Variants in KCNQ1 observed in about 807,000 individuals in gnomAD.
KCNQ1 encodes potassium voltage-gated channel subfamily Q member 1.
A neutral mutation model predicts 72.4 loss-of-function variants in KCNQ1; 49 were observed. The observed-to-expected ratio is 0.68, with a 90% CI of 0.54 to 0.86. KCNQ1 has a LOEUF of 0.86. KCNQ1 is among the 40% of genes least tolerant of loss of function. KCNQ1 has a pLI of 0.00. For missense variants in KCNQ1, 790 were observed against 945.1 expected (o/e 0.84, Z 2.15); for synonymous variants, 450 against 412.6 (o/e 1.09, Z -1.10).
At position 2,547,349 on chromosome 11, in the gene KCNQ1, G is replaced by C. The variant is rs1169696591; in HGVS notation, c.477+19331G>C. On this transcript the variant is annotated intron_variant, in intron 2 of 15. Transcript: ENST00000155840. This position sits in a 1 kb window ranked among gnomAD's most constrained non-coding sequence, Gnocchi z 4.2. ...GGGTTTAAGTGATTTTCGTGCCTCA[G>C]CCTCCCAAGTAGCTGGGATTATAGG... Among the ~76,000 whole-genome samples the C allele has an allele frequency of 6.6e-6, 1 of 152,148 alleles. No individual in the cohort carries two copies. Among genetic ancestry groups the C allele is most frequent in the Admixed American group, 6.5e-5 (1 of 15,270 alleles).
At chr11:2,578,498 G>A (rs1039220407) in intron 6 of KCNQ1, among the ~76,000 whole-genome samples, 7 of 152,356 alleles carry the variant, frequency 4.6e-5, no homozygotes, top group South Asian at 2.1e-4. Context: ...CACTGAGGCC[G>A]AGGGCCCAGC....
chr11:2,728,651 C>T (rs956778512), intron 11 of KCNQ1, among the ~76,000 whole-genome samples: 4 of 152,208 alleles, frequency 2.6e-5, no homozygotes, highest in Admixed American at 6.5e-5. Context: ...GCCTACAGGA[C>T]GGAGGCTCAG....
chr11:2,667,420 A>G (rs1850097356), intron 11 of KCNQ1: 1 of 398,570 alleles, frequency 2.5e-6, no homozygotes, highest in Non-Finnish European at 4.4e-6. Context: ...TCCACTTGTG[A>G]ACTCCCAGCC....
At chr11:2,730,852 G>A (rs1430075816) in intron 11 of KCNQ1, among the ~76,000 whole-genome samples, 3 of 152,204 alleles carry the variant, frequency 2.0e-5, no homozygotes, top group Non-Finnish European at 4.4e-5. Context: ...CGTTTTGGTG[G>A]CAGGCCTCTG....
chr11:2,560,047 T>A (rs1458683014), intron 2 of KCNQ1, among the ~76,000 whole-genome samples: 1 of 138,846 alleles, frequency 7.2e-6, no homozygotes, highest in East Asian at 2.2e-4. Flanking sequence ...GGGGAGGGGG[T>A]ACCGCCAGCC....
rs1848235647 is a variant in KCNQ1 at position 2,565,571 on chromosome 11, T to A, written c.478-5057T>A. 1.3e-5 allele frequency among the ~76,000 whole-genome samples: 2 copies of A among 152,172 alleles called. No homozygotes were observed. Among genetic ancestry groups the A allele is most frequent in the Admixed American group, 1.3e-4 (2 of 15,284 alleles). On this transcript the variant is annotated intron_variant, in intron 2 of 15. Coordinates refer to ENST00000155840, the MANE Select transcript of KCNQ1 (RefSeq NM_000218.3). This position sits in a 1 kb window ranked among gnomAD's most constrained non-coding sequence, Gnocchi z 5.6. ...CAGGATGGACATGGATTCACACTCA[T>A]GGTAGAACAGAGCTGAGGGTGCAGT... is the stretch of plus-strand genomic sequence containing the variant.
rs1846293050 is a variant in KCNQ1, at chr11:2,462,478, A to G, written c.386+16994A>G. 1.3e-5 allele frequency among the ~76,000 whole-genome samples: 2 copies of G among 152,154 alleles called. No individual in the cohort carries two copies. Among genetic ancestry groups the G allele is most frequent in the Admixed American group, 1.3e-4 (2 of 15,282 alleles). On this transcript the variant is annotated intron_variant, in intron 1 of 15. Coordinates refer to ENST00000155840, the MANE Select transcript of KCNQ1 (RefSeq NM_000218.3). This position sits in a 1 kb window ranked among gnomAD's most constrained non-coding sequence, Gnocchi z 8.2. ...CCTGGCATGACGGGAACCACCTGTGACATTGCCACCACCTCGCTGTAATCT... is the reference window on the plus strand; with the variant it reads ...CCTGGCATGACGGGAACCACCTGTGGCATTGCCACCACCTCGCTGTAATCT...
At chr11:2,754,347 C>G (rs150666463) in intron 11 of KCNQ1, among the ~76,000 whole-genome samples, 28 of 152,352 alleles carry the variant, frequency 1.8e-4, no homozygotes, top group Non-Finnish European at 3.2e-4. Context: ...ACCTGCAGCC[C>G]AGGCATCCTC....
intron 11 of KCNQ1, among the ~76,000 whole-genome samples, chr11:2,708,259 ACT>A (rs1160026517): frequency 1.3e-5 from 2 of 150,190 alleles, no homozygotes; most frequent in Non-Finnish European, 3.0e-5. Context: ...TGACTTTGAC[ACT>A]CTTCTCAACA....
At chr11:2,820,928 C>T (rs1847720297) in intron 15 of KCNQ1, among the ~76,000 whole-genome samples, 1 of 152,272 alleles carries the variant, frequency 6.6e-6, no homozygotes, top group Non-Finnish European at 1.5e-5. Flanking sequence ...CACCCCACCT[C>T]CATTGCTGCT....
Position 2,541,875 on chromosome 11 carries a change from T to C in KCNQ1, c.477+13857T>C, listed in dbSNP as rs1470839224. ...CCAGGTCCTGTGGCTGGTCCTCGCA[T>C]AGACATCAGCTAAGGGGGTTTGGGG... On this transcript the variant is annotated intron_variant, in intron 2 of 15. Transcript: ENST00000155840. This position sits in a 1 kb window ranked among gnomAD's most constrained non-coding sequence, Gnocchi z 4.8. Among the ~76,000 whole-genome samples, 3 of 152,166 alleles carry C rather than the reference T, an allele frequency of 2.0e-5. No individual in the cohort carries two copies. The highest frequency in any genetic ancestry group is 7.2e-5 in the African/African-American group (3 of 41,446).
intron 10 of KCNQ1, chr11:2,622,758 T>C (rs1849196302): frequency 2.5e-6 from 1 of 398,496 alleles, no homozygotes; most frequent in Admixed American, 4.4e-5. Context: ...TCCAGCAAAA[T>C]TGAGAGGTAA....
At chr11:2,641,348 C>G (rs947917507) in intron 10 of KCNQ1, 1 of 398,278 alleles carries the variant, frequency 2.5e-6, no homozygotes, top group African/African-American at 2.1e-5. Flanking sequence ...TAGCCATTCT[C>G]ACTATGGTTT....
In KCNQ1 at chr11:2,785,593, T is replaced by A. The variant is rs1159508121; in HGVS notation, c.1794+7556T>A. On this transcript the variant is annotated intron_variant, in intron 15 of 15. Transcript: ENST00000155840. The surrounding 1 kb of genome is among the most constrained non-coding windows in gnomAD (Gnocchi z 4.4). Reference sequence around the variant, plus strand: ...TGTAAACACTGTATTACTGAGTTTTTAAAAAATCATTTAATACATTTATAT... The same window carrying A: ...TGTAAACACTGTATTACTGAGTTTTAAAAAAATCATTTAATACATTTATAT... Among the ~76,000 whole-genome samples the A allele has an allele frequency of 2.0e-5, 3 of 151,614 alleles. No homozygotes were observed. Among genetic ancestry groups the A allele is most frequent in the Non-Finnish European group, 3.0e-5 (2 of 67,738 alleles).
In KCNQ1 at chr11:2,690,877, A is replaced by T; in HGVS notation, c.1514+28796A>T. 2.5e-6 allele frequency: 1 copy of T among 398,570 alleles called. No individual in the cohort carries two copies. Among genetic ancestry groups the T allele is most frequent in the East Asian group, 3.6e-5 (1 of 28,066 alleles). 24.7% of individuals were successfully genotyped at this position (398,570 alleles called of 1,614,324 possible). On this transcript the variant is annotated intron_variant, in intron 11 of 15. Transcript: ENST00000155840. The surrounding 1 kb of genome is among the most constrained non-coding windows in gnomAD (Gnocchi z 5.1). ...GTACCTTTAGGGACACAGGAGTGTAAGCCACTGTTTCCGTCTGGGTTTTGT... is the reference window on the plus strand; with the variant it reads ...GTACCTTTAGGGACACAGGAGTGTATGCCACTGTTTCCGTCTGGGTTTTGT...
In KCNQ1 at chr11:2,661,400, G is replaced by A. The variant is rs578204989; in HGVS notation, c.1394-561G>A. On this transcript the variant is annotated intron_variant, in intron 10 of 15. Coordinates refer to ENST00000155840, the MANE Select transcript of KCNQ1 (RefSeq NM_000218.3). This position sits in a 1 kb window ranked among gnomAD's most constrained non-coding sequence, Gnocchi z 5.9. ...ATAATGTGAAGCCAGCTGTTGGAGG[G>A]ACTCCTGTGCCTCATTGGGGGTACA... 3.4e-4 allele frequency: 140 copies of A among 410,038 alleles called. 2 individuals are homozygous for A. The highest frequency in any genetic ancestry group is 2.7e-3 in the African/African-American group (131 of 48,950). 25.4% of individuals were successfully genotyped at this position (410,038 alleles called of 1,614,324 possible). A position where few individuals can be genotyped will look rare whatever the true frequency, so the allele number is the denominator to read the frequency against.
At position 2,566,724 on chromosome 11, in the gene KCNQ1, C is replaced by G. The variant is rs1848253361; in HGVS notation, c.478-3904C>G. Among the ~76,000 whole-genome samples the G allele has an allele frequency of 6.6e-6, 1 of 152,156 alleles. No homozygotes were observed. Among genetic ancestry groups the G allele is most frequent in the African/African-American group, 2.4e-5 (1 of 41,436 alleles). ...CTACGGGGCAGAGCTCAGGGCCGCA[C>G]TCCATCAGCATCCCGGGCCATTGCA... On this transcript the variant is annotated intron_variant, in intron 2 of 15. Coordinates refer to ENST00000155840, the MANE Select transcript of KCNQ1 (RefSeq NM_000218.3). This position sits in a 1 kb window ranked among gnomAD's most constrained non-coding sequence, Gnocchi z 6.7.
intron 11 of KCNQ1, chr11:2,700,031 C>G (rs527818421): frequency 2.5e-6 from 1 of 398,100 alleles, no homozygotes; most frequent in Admixed American, 4.4e-5. Context: ...CTGCCCCCGC[C>G]GCTGCCGACG....
At chr11:2,733,857 C>CTCTCTTTCTCTCT (rs147278439) in intron 11 of KCNQ1, among the ~76,000 whole-genome samples, 8 of 76,370 alleles carry the variant, frequency 1.0e-4, no homozygotes, top group African/African-American at 2.4e-4. Context: ...CTCTCTCTCT[C>CTCTCTTTCTCTCT]CCCCCCCACT....
Sources: allele counts gnomAD v4.1 joint callset (sites outside exome capture counted in the v4.1 genomes callset), GRCh38; gene constraint gnomAD v4.1.1; non-coding constraint Gnocchi (gnomAD v3.1); transcripts MANE v1.5; gene names NCBI Gene and HGNC (gene_info 2026-07-23, HGNC 2026-07-21).